Variants in KIF24 observed in about 807,000 individuals in gnomAD.
The protein encoded by KIF24 is kinesin-like protein KIF24.
In KIF24, 81 loss-of-function variants were observed where a neutral mutation model predicts 118.9. The observed-to-expected ratio is 0.68, with a 90% CI of 0.57 to 0.82. The LOEUF (loss-of-function observed/expected upper bound fraction) is 0.82, where lower values mean the gene tolerates loss of function less well. Among genes scored for constraint, KIF24 ranks in the 40% least tolerant of loss-of-function variants. KIF24 has a pLI of 0.00. For missense variants in KIF24, 1,560 were observed against 1,661.6 expected, an observed-to-expected ratio of 0.94 and a Z score of 1.06; for synonymous variants, 599 against 610.0, an observed-to-expected ratio of 0.98 and a Z score of 0.27.
rs1834610798 is a variant in KIF24, at chr9:34,252,388, TC to T, written c.*1991del. 1 of 152,668 alleles carries T rather than the reference TC, an allele frequency of 6.6e-6. No homozygotes were observed. Among genetic ancestry groups the T allele is most frequent in the Non-Finnish European group, 1.5e-5 (1 of 68,046 alleles). The allele number at this position is 152,668 out of a possible 1,614,324, so 9.5% of individuals were successfully genotyped here. On this transcript the variant is annotated 3_prime_UTR_variant, in exon 13 of 13. Coordinates refer to ENST00000402558, the MANE Select transcript of KIF24 (RefSeq NM_194313.4). ...ACACCTAGTCATAGAAATCAGTCTCTCTGGTTTGTTTTGTATTATGTTGTAC... is the reference window on the plus strand; with the variant it reads ...ACACCTAGTCATAGAAATCAGTCTCTTGGTTTGTTTTGTATTATGTTGTAC...
intron 6 of KIF24, among the ~76,000 whole-genome samples, chr9:34,284,827 T>C (rs1257794554): frequency 6.6e-6 from 1 of 152,202 alleles, no homozygotes; most frequent in Non-Finnish European, 1.5e-5. Flanking sequence ...TGTTTCTTTA[T>C]ACTGTACATA....
intron 4 of KIF24, among the ~76,000 whole-genome samples, chr9:34,295,185 A>AT (rs763100555): frequency 7.4e-6 from 1 of 135,340 alleles, no homozygotes; most frequent in Admixed American, 7.8e-5. Context: ...GGTGGATTGG[A>AT]TGGATGGATA....
At chr9:34,311,778 A>G (rs1023069569) in intron 1 of KIF24, among the ~76,000 whole-genome samples, 35 of 148,816 alleles carry the variant, frequency 2.4e-4, no homozygotes, top group Admixed American at 6.7e-4. Context: ...ATATATATAC[A>G]CATATATATA....
intron 6 of KIF24, among the ~76,000 whole-genome samples, chr9:34,272,181 C>T (rs1224119701): frequency 6.6e-6 from 1 of 152,192 alleles, no homozygotes; most frequent in Non-Finnish European, 1.5e-5. Flanking sequence ...ACTTCTTGAT[C>T]TCATATACTT....
chr9:34,329,829 C>A (rs1239881344), upstream of KIF24, among the ~76,000 whole-genome samples: 1 of 150,240 alleles, frequency 6.7e-6, no homozygotes, highest in Non-Finnish European at 1.5e-5. Context: ...CTGAGCCTTG[C>A]TTGTCCCCGT....
chr9:34,256,885 G>C lies in KIF24; in HGVS notation c.2722C>G (p.His908Asp). The C allele has an allele frequency of 6.2e-7, 1 of 1,614,032 alleles. No individual in the cohort carries two copies. Among genetic ancestry groups the C allele is most frequent in the Non-Finnish European group, 8.5e-7 (1 of 1,179,902 alleles). Residue 908 changes from histidine (H) to aspartate (D), a missense_variant, in exon 11 of 13, where the codon CAC becomes GAC. Physicochemically the swap from His to Asp is moderately conservative, Grantham distance 81 (BLOSUM62 -1). Coordinates refer to ENST00000402558, the MANE Select transcript of KIF24 (RefSeq NM_194313.4). ...GGCCCCTTACTTGGGCTGCAGCTGT[G>C]ATCGAGTGCTGCTCTTCTGTGGTTT... ...PINHRRAALDHSCSPSKGPVD... is the reference protein window; with the variant it reads ...PINHRRAALDDSCSPSKGPVD...
intron 3 of KIF24, among the ~76,000 whole-genome samples, chr9:34,301,293 G>T (rs986347250): frequency 6.6e-6 from 1 of 152,106 alleles, no homozygotes. Context: ...TGTCACCCAG[G>T]CTGGAGTGCA....
chr9:34,289,580 T>C (rs929524344), intron 5 of KIF24, among the ~76,000 whole-genome samples: 1 of 152,230 alleles, frequency 6.6e-6, no homozygotes, highest in Non-Finnish European at 1.5e-5. Flanking sequence ...GTTTAAGTCA[T>C]CTGTTTCAAC....
At chr9:34,317,465 T>G (rs1837366608) in intron 1 of KIF24, among the ~76,000 whole-genome samples, 1 of 152,152 alleles carries the variant, frequency 6.6e-6, no homozygotes, top group Non-Finnish European at 1.5e-5. Context: ...GTAGTACCTG[T>G]CCTCCAATTT....
intron 1 of KIF24, among the ~76,000 whole-genome samples, chr9:34,327,544 T>C (rs1376591312): frequency 6.6e-6 from 1 of 152,154 alleles, no homozygotes; most frequent in Non-Finnish European, 1.5e-5. Flanking sequence ...TATAAAGCCC[T>C]GGATACAGTG....
At chr9:34,300,708 T>C (rs1011104063) in intron 3 of KIF24, among the ~76,000 whole-genome samples, 2 of 152,086 alleles carry the variant, frequency 1.3e-5, no homozygotes, top group African/African-American at 4.8e-5. Context: ...ATCTATTTCA[T>C]ACACAGTTTC....
At chr9:34,285,930 TAAAAA>T (rs11283995) in intron 6 of KIF24, among the ~76,000 whole-genome samples, 1 of 120,882 alleles carries the variant, frequency 8.3e-6, no homozygotes, top group Non-Finnish European at 1.7e-5. Context: ...CCCTGTTGCT[TAAAAA>T]AAAAAAAAAA....
At chr9:34,309,281 C>T (rs1055050620) in intron 2 of KIF24, among the ~76,000 whole-genome samples, 4 of 152,134 alleles carry the variant, frequency 2.6e-5, no homozygotes, top group African/African-American at 9.7e-5. Flanking sequence ...GTGGCTCACG[C>T]CTGTAATCCC....
intron 5 of KIF24, among the ~76,000 whole-genome samples, chr9:34,287,304 A>G (rs1345981310): frequency 1.3e-5 from 2 of 152,186 alleles, no homozygotes. Flanking sequence ...TGAGCCAATG[A>G]TTTCCCTAAA....
In KIF24 at chr9:34,269,376, ACAG is replaced by A. The variant is rs1478337522; in HGVS notation, c.1338-17_1338-15del. 1 of 1,283,236 alleles carries A rather than the reference ACAG, an allele frequency of 7.8e-7. No individual in the cohort carries two copies. The highest frequency in any genetic ancestry group is 1.1e-6 in the Non-Finnish European group (1 of 897,150). The allele number at this position is 1,283,236 out of a possible 1,614,324, so 79.5% of individuals were successfully genotyped here. On this transcript the variant is annotated splice_polypyrimidine_tract_variant and intron_variant, in intron 7 of 12. Transcript: ENST00000402558. The stretch of plus-strand genomic sequence containing the variant: ...ATAAAAGAGATCCTAGAGAAAAGAC[ACAG>A]CAGGAGTGACTTCTGTGAAGCTTTA...
intron 1 of KIF24, among the ~76,000 whole-genome samples, chr9:34,312,785 G>A (rs887497567): frequency 2.0e-4 from 30 of 152,124 alleles, no homozygotes; most frequent in South Asian, 8.3e-4. Flanking sequence ...TGCAACTTCC[G>A]CCTCCAGGTT....
chr9:34,267,814 C>T (rs1038801038), intron 8 of KIF24, among the ~76,000 whole-genome samples: 7 of 152,148 alleles, frequency 4.6e-5, no homozygotes, highest in African/African-American at 1.7e-4. Flanking sequence ...CCATAGTGAA[C>T]AACACGGCTA....
chr9:34,329,937 C>G (rs537250786), upstream of KIF24, among the ~76,000 whole-genome samples: 2 of 152,344 alleles, frequency 1.3e-5, no homozygotes, highest in East Asian at 3.9e-4. Flanking sequence ...CCTCCCTGGG[C>G]CTCAGTTTCA....
At chr9:34,254,847 G>T (rs1033108204) in intron 12 of KIF24, among the ~76,000 whole-genome samples, 2 of 152,176 alleles carry the variant, frequency 1.3e-5, no homozygotes, top group Admixed American at 6.5e-5. Context: ...ATAGAGGCTG[G>T]AAACATTTTA....
Sources: gnomAD v4.1 joint callset for allele counts (sites outside exome capture counted in the v4.1 genomes callset) on GRCh38, gnomAD v4.1.1 for gene constraint, MANE v1.5 for transcripts, NCBI Gene and HGNC (gene_info 2026-07-23, HGNC 2026-07-21) for gene names.